Variants in ACTN1 observed in about 807,000 individuals in gnomAD.
ACTN1 encodes the protein alpha-actinin-1.
ACTN1 carries 30 observed loss-of-function variants against 119.6 expected under a neutral mutation model. That is an observed-to-expected ratio of 0.25 (90% confidence interval 0.19 to 0.34). The LOEUF (loss-of-function observed/expected upper bound fraction) is 0.34, where lower values mean the gene tolerates loss of function less well. ACTN1 is among the 10% of genes least tolerant of loss of function. ACTN1 has a pLI of 1.00. For missense variants in ACTN1, 764 were observed against 1,223.4 expected (o/e 0.62, Z 5.60); for synonymous variants, 429 against 472.6 (o/e 0.91, Z 1.20).
At chr14:68,941,445 G>T (rs1314074343) in intron 1 of ACTN1, among the ~76,000 whole-genome samples, 1 of 152,206 alleles carries the variant, frequency 6.6e-6, no homozygotes, top group African/African-American at 2.4e-5. Flanking sequence ...GAGGACCAAG[G>T]CTTAGTGGCT....
intron 1 of ACTN1, among the ~76,000 whole-genome samples, chr14:68,941,625 T>C (rs984321713): frequency 1.3e-5 from 2 of 152,260 alleles, no homozygotes; most frequent in East Asian, 3.9e-4. Flanking sequence ...AGATAATCTA[T>C]GCAAAAAGCC....
intron 8 of ACTN1, 107 bp downstream of exon 8, chr14:68,902,370 C>T (rs2033395653): frequency 1.0e-6 from 1 of 966,782 alleles, no homozygotes; most frequent in Admixed American, 1.9e-5. Flanking sequence ...AGAGACCAGA[C>T]CATCCAGATA....
Position 68,885,545 on chromosome 14 carries a change from T to C in ACTN1, c.1265A>G (p.Tyr422Cys), listed in dbSNP as rs1440025108. ...GATCTCCGAGAGGGTGGCGGTCTCA[T>C]AGTCCTTCTGTCGCAGCATGGCCTC... ...GKEAMLRQKD[Y>C]ETATLSEIKA... Residue 422 changes from tyrosine to cysteine, a missense_variant, in exon 12 of 22, where the codon TAT (tyrosine) becomes TGT (cysteine). Tyr to Cys is a radical substitution (Grantham distance 194). Around this residue, in one of 4 missense-constraint regions of ACTN1, gnomAD observed 544 missense variants for 912.0 expected, o/e 0.60. Transcript: ENST00000394419. This position sits in a 1 kb window ranked among gnomAD's most constrained non-coding sequence, Gnocchi z 5.6. The C allele has an allele frequency of 4.3e-6, 7 of 1,613,920 alleles. No individual in the cohort carries two copies. The highest frequency in any genetic ancestry group is 1.7e-5 in the Admixed American group (1 of 60,026).
intron 14 of ACTN1, among the ~76,000 whole-genome samples, chr14:68,883,900 T>C (rs892186430): frequency 6.6e-6 from 1 of 152,230 alleles, no homozygotes; most frequent in Non-Finnish European, 1.5e-5. Context: ...GCAGAGACTG[T>C]AGTCAAATTC....
chr14:68,933,301 T>G (rs2035321517), intron 1 of ACTN1, among the ~76,000 whole-genome samples: 1 of 151,890 alleles, frequency 6.6e-6, no homozygotes. Flanking sequence ...ACCTGGGTAA[T>G]TTTTTTGTAT....
intron 1 of ACTN1, among the ~76,000 whole-genome samples, chr14:68,966,923 G>T (rs2036725786): frequency 6.6e-6 from 1 of 152,216 alleles, no homozygotes; most frequent in African/African-American, 2.4e-5. Flanking sequence ...GGATGAAGAG[G>T]GACATGTCAG....
At chr14:68,948,223 T>C (rs77993879) in intron 1 of ACTN1, among the ~76,000 whole-genome samples, 1 of 49,358 alleles carries the variant, frequency 2.0e-5, no homozygotes, top group African/African-American at 5.4e-5. Flanking sequence ...TCACTGACAC[T>C]TACCTACGCA....
At position 68,880,888 on chromosome 14, in the gene ACTN1, A is replaced by C. The variant is rs1408650458; in HGVS notation, c.2055T>G (p.Ile685Met). ...GCTGGTGGTCGCCCTCCAGCTGATC[A>C]ATCTTTGGCTTGTAGTTGACGATGC... The part of the protein sequence containing the change: ...EKSIVNYKPK[I>M]DQLEGDHQLI... Residue 685 changes from isoleucine to methionine, a missense_variant, in exon 17 of 22, where the codon ATT becomes ATG. Coordinates refer to ENST00000394419, the MANE Select transcript of ACTN1 (RefSeq NM_001130004.2). This position sits in a 1 kb window ranked among gnomAD's most constrained non-coding sequence, Gnocchi z 4.6. 21 of 1,613,914 alleles carry C rather than the reference A, an allele frequency of 1.3e-5. No individual in the cohort carries two copies. The highest frequency in any genetic ancestry group is 1.6e-5 in the Non-Finnish European group (19 of 1,179,964).
chr14:68,877,674 A>G (rs2031055357), intron 20 of ACTN1: 1 of 164,900 alleles, frequency 6.1e-6, no homozygotes, highest in Non-Finnish European at 1.3e-5. Context: ...CCAGGGTCAC[A>G]CAGCCAGGAA....
At chr14:68,959,674 T>C (rs923433355) in intron 1 of ACTN1, among the ~76,000 whole-genome samples, 1 of 152,092 alleles carries the variant, frequency 6.6e-6, no homozygotes, top group Middle Eastern at 3.2e-3. Flanking sequence ...ATCAAACTCA[T>C]AGAAGCAGAG....
rs887379155 is a variant in ACTN1, at chr14:68,945,672, G to A, written c.106-20000C>T. ...GATACAAGAGATACTCAGGAGAGAC[G>A]GGGAGGAGGGGCAGAGGCCACACCC... is the stretch of plus-strand genomic sequence containing the variant. On this transcript the variant is annotated intron_variant, in intron 1 of 21. Coordinates refer to ENST00000394419, the MANE Select transcript of ACTN1 (RefSeq NM_001130004.2). Among the ~76,000 whole-genome samples the A allele has an allele frequency of 2.6e-5, 4 of 152,284 alleles. No homozygotes were observed. In the East Asian group the frequency reaches 5.8e-4, roughly 22 times the overall value.
intron 1 of ACTN1, among the ~76,000 whole-genome samples, chr14:68,937,331 C>G (rs1234856137): frequency 6.6e-6 from 1 of 152,068 alleles, no homozygotes; most frequent in Non-Finnish European, 1.5e-5. Flanking sequence ...TCCCATTTCT[C>G]TGGGATTATT....
chr14:68,881,621 G>T (rs898900851), intron 16 of ACTN1, among the ~76,000 whole-genome samples: 1 of 152,172 alleles, frequency 6.6e-6, no homozygotes, highest in African/African-American at 2.4e-5. Flanking sequence ...GCAGGGGAGC[G>T]ACACATACCA....
chr14:68,972,339 C>T (rs1052434964), intron 1 of ACTN1, among the ~76,000 whole-genome samples: 1 of 152,094 alleles, frequency 6.6e-6, no homozygotes, highest in Non-Finnish European at 1.5e-5. Context: ...AAAAAGTGGG[C>T]ATGACAGAGA....
intron 20 of ACTN1, 103 bp from the exon 21 acceptor site, chr14:68,877,343 G>A: frequency 1.4e-6 from 2 of 1,421,476 alleles, no homozygotes; most frequent in South Asian, 1.3e-5. Context: ...ATGGCTGGAA[G>A]AGAAGGGCAC....
intron 3 of ACTN1, among the ~76,000 whole-genome samples, chr14:68,918,826 A>C (rs2034481985): frequency 6.6e-6 from 1 of 152,090 alleles, no homozygotes; most frequent in Non-Finnish European, 1.5e-5. Context: ...TCAGCTCTGG[A>C]GCCTACCCCT....
Position 68,874,384 on chromosome 14 carries a change from T to G in ACTN1, c.*475A>C, listed in dbSNP as rs891764886. On this transcript the variant is annotated 3_prime_UTR_variant, in exon 22 of 22. Transcript: ENST00000394419. ...GGACAAGTGAGCTAGCAAACACACA[T>G]GCACCAATGTGCCTTTTGACAAGAG... 6.5e-6 allele frequency: 1 copy of G among 153,102 alleles called. No homozygotes were observed. The highest frequency in any genetic ancestry group is 6.5e-5 in the Admixed American group (1 of 15,282). The allele number at this position is 153,102 out of a possible 1,614,324, so 9.5% of individuals were successfully genotyped here.
chr14:68,919,400 T>C (rs999581497), intron 3 of ACTN1, among the ~76,000 whole-genome samples: 12 of 152,374 alleles, frequency 7.9e-5, no homozygotes, highest in South Asian at 6.2e-4. Context: ...TTTCTTTGGC[T>C]TCCCACGCCT....
chr14:68,882,839 C>T lies in ACTN1; in HGVS notation c.1818+34G>A. On this transcript the variant is annotated intron_variant, in intron 15 of 21. Transcript: ENST00000394419. This position sits in a 1 kb window ranked among gnomAD's most constrained non-coding sequence, Gnocchi z 4.5. ...GACAAAAATCCCTGCCTTTATGAAA[C>T]TTACAATGGCTCGGCCCATGCCCTT... The T allele has an allele frequency of 1.3e-6, 2 of 1,598,856 alleles. No individual in the cohort carries two copies. Among genetic ancestry groups the T allele is most frequent in the South Asian group, 1.1e-5 (1 of 90,364 alleles).
Sources: gnomAD v4.1 joint callset for allele counts (sites outside exome capture counted in the v4.1 genomes callset) on GRCh38, gnomAD v4.1.1 for gene constraint, gnomAD v4.1.1 regional missense constraint, Gnocchi (gnomAD v3.1) non-coding constraint, MANE v1.5 for transcripts, NCBI Gene and HGNC (gene_info 2026-07-23, HGNC 2026-07-21) for gene names.